RANBP17: variants seen among roughly 807,000 people sequenced by gnomAD.
The protein encoded by RANBP17 is ran-binding protein 17.
A neutral mutation model predicts 141.2 loss-of-function variants in RANBP17; 158 were observed. The ratio of observed to expected loss-of-function variants is 1.12; its 90% CI spans 0.98 to 1.28. The LOEUF is 1.28. RANBP17 is among the 50% of genes most tolerant of loss of function. RANBP17 has a pLI of 0.00. For missense variants in RANBP17, 1,438 were observed against 1,290.7 expected, an observed-to-expected ratio of 1.11 and a Z score of -1.75; for synonymous variants, 430 against 450.0, an observed-to-expected ratio of 0.96 and a Z score of 0.56.
chr5:171,185,784 A>T (rs1761196260), intron 18 of RANBP17, among the ~76,000 whole-genome samples: 1 of 152,202 alleles, frequency 6.6e-6, no homozygotes, highest in Non-Finnish European at 1.5e-5. Context: ...ATTCCTGTTA[A>T]TGTTGATATT....
At chr5:170,905,963 T>C (rs1771044396) in intron 5 of RANBP17, among the ~76,000 whole-genome samples, 1 of 152,092 alleles carries the variant, frequency 6.6e-6, no homozygotes, top group African/African-American at 2.4e-5. Context: ...ACAGGATAAC[T>C]TCTTTTTCTT....
intron 14 of RANBP17, among the ~76,000 whole-genome samples, chr5:171,062,119 C>T (rs1289441211): frequency 6.6e-6 from 1 of 151,428 alleles, no homozygotes; most frequent in Non-Finnish European, 1.5e-5. Flanking sequence ...ATCCAATTTG[C>T]CAGTCTGTGT....
intron 5 of RANBP17, among the ~76,000 whole-genome samples, chr5:170,896,754 C>G (rs777506793): frequency 6.6e-6 from 1 of 152,202 alleles, no homozygotes; most frequent in Non-Finnish European, 1.5e-5. Flanking sequence ...TGCTTGAACC[C>G]GGGAGGCAGA....
At position 171,075,044 on chromosome 5, in the gene RANBP17, T is replaced by C. The variant is rs558539830; in HGVS notation, c.1711-95086T>C. On this transcript the variant is annotated intron_variant, in intron 14 of 27. Transcript: ENST00000523189. ...CCGGCGGCTGCAAAATTTTTTTTTG[T>C]GAAAAATCAGACCTTGGCGATGACC... Among the ~76,000 whole-genome samples, 270 of 148,938 alleles carry C rather than the reference T, an allele frequency of 1.8e-3. 1 individual carries two copies. The highest frequency in any genetic ancestry group is 6.9e-3 in the African/African-American group (264 of 38,492).
intron 14 of RANBP17, among the ~76,000 whole-genome samples, chr5:171,042,113 T>C (rs1391095724): frequency 6.6e-6 from 1 of 152,144 alleles, no homozygotes; most frequent in Non-Finnish European, 1.5e-5. Flanking sequence ...ATGATATATA[T>C]GTACCACATT....
intron 14 of RANBP17, among the ~76,000 whole-genome samples, chr5:171,009,638 G>C (rs1400031030): frequency 2.0e-5 from 3 of 151,752 alleles, no homozygotes; most frequent in Non-Finnish European, 4.4e-5. Flanking sequence ...ACTTCAGTGT[G>C]ACTGAGGTTA....
intron 14 of RANBP17, among the ~76,000 whole-genome samples, chr5:171,081,548 G>A (rs767977435): frequency 1.3e-5 from 2 of 152,098 alleles, no homozygotes; most frequent in Non-Finnish European, 2.9e-5. Context: ...CTTTCCAGCT[G>A]TTTAATTTGT....
chr5:171,201,491 G>A (rs569737362), intron 19 of RANBP17, among the ~76,000 whole-genome samples: 4 of 152,350 alleles, frequency 2.6e-5, no homozygotes, highest in East Asian at 1.9e-4. Context: ...CCGTGCTTCC[G>A]TCCTAAATGT....
intron 12 of RANBP17, among the ~76,000 whole-genome samples, chr5:170,935,689 T>C (rs568781039): frequency 6.6e-6 from 1 of 152,166 alleles, no homozygotes; most frequent in Non-Finnish European, 1.5e-5. Context: ...CCTTATGAGG[T>C]GTCAATCGCC....
At chr5:171,102,586 C>G (rs1011989015) in intron 14 of RANBP17, among the ~76,000 whole-genome samples, 1 of 152,044 alleles carries the variant, frequency 6.6e-6, no homozygotes, top group African/African-American at 2.4e-5. Flanking sequence ...TTTCTGAAGC[C>G]TCCTTCTATC....
chr5:171,053,537 A>G (rs1235783895), intron 14 of RANBP17, among the ~76,000 whole-genome samples: 1 of 152,162 alleles, frequency 6.6e-6, no homozygotes, highest in East Asian at 1.9e-4. Flanking sequence ...GCTAGTATAT[A>G]GGAACTTAAC....
At chr5:171,211,641 T>G (rs1331288309) in intron 20 of RANBP17, among the ~76,000 whole-genome samples, 4 of 151,172 alleles carry the variant, frequency 2.6e-5, no homozygotes, top group Non-Finnish European at 5.9e-5. Context: ...TTTTTTTTTT[T>G]TTTTTTTTTA....
intron 14 of RANBP17, among the ~76,000 whole-genome samples, chr5:171,091,419 A>AT (rs1411039048): frequency 6.6e-6 from 1 of 152,126 alleles, no homozygotes; most frequent in East Asian, 1.9e-4. Flanking sequence ...CTTGCTTTTG[A>AT]TTTTACAGGC....
chr5:170,911,838 G>A (rs1771552504), intron 7 of RANBP17, among the ~76,000 whole-genome samples: 1 of 151,848 alleles, frequency 6.6e-6, no homozygotes, highest in Non-Finnish European at 1.5e-5. Flanking sequence ...GTTCTCCCAT[G>A]TTCCAGAAAA....
At chr5:170,900,128 C>T (rs754557266) in intron 5 of RANBP17, among the ~76,000 whole-genome samples, 21 of 152,052 alleles carry the variant, frequency 1.4e-4, no homozygotes, top group Non-Finnish European at 2.5e-4. Flanking sequence ...AGAATTCAGT[C>T]GTGAATCCGT....
intron 13 of RANBP17, among the ~76,000 whole-genome samples, chr5:170,963,839 C>T (rs1029850006): frequency 2.0e-5 from 3 of 152,062 alleles, no homozygotes; most frequent in Non-Finnish European, 4.4e-5. Context: ...ACAAATGAAA[C>T]ACAAAATTGT....
intron 14 of RANBP17, among the ~76,000 whole-genome samples, chr5:171,126,208 C>T (rs1756457850): frequency 6.6e-6 from 1 of 152,102 alleles, no homozygotes; most frequent in African/African-American, 2.4e-5. Context: ...AAACATTATG[C>T]TCCTGAATAA....
Position 171,183,407 on chromosome 5 carries a change from C to G in RANBP17, c.2015C>G (p.Thr672Ser). Residue 672 changes from threonine to serine, a missense_variant, in exon 18 of 28, where the codon ACT becomes AGT. Transcript: ENST00000523189. ...CGAACAACCTTCTACACAGCGCTCA[C>G]TCGCCTTCTGATGGTAGATCTGGGT... ...RCRTTFYTAL[T>S]RLLMVDLGED... 1 of 1,613,306 alleles carries G rather than the reference C, an allele frequency of 6.2e-7. No homozygotes were observed. The highest frequency in any genetic ancestry group is 8.5e-7 in the Non-Finnish European group (1 of 1,179,240).
chr5:171,006,914 A>G (rs1262333387), intron 14 of RANBP17, among the ~76,000 whole-genome samples: 1 of 152,088 alleles, frequency 6.6e-6, no homozygotes. Flanking sequence ...TGCCGTTTTA[A>G]GCCCTTCAAC....
Sources: allele counts gnomAD v4.1 joint callset (sites outside exome capture counted in the v4.1 genomes callset), GRCh38; gene constraint gnomAD v4.1.1; transcripts MANE v1.5; gene names NCBI Gene and HGNC (gene_info 2026-07-23, HGNC 2026-07-21).